The following FAF1 variants were observed in gnomAD, a reference collection of about 807,000 sequenced individuals.
The protein encoded by FAF1 is FAS-associated factor 1.
FAF1 carries 25 observed loss-of-function variants against 92.5 expected under a neutral mutation model. The ratio of observed to expected loss-of-function variants is 0.27; its 90% CI spans 0.20 to 0.38. The LOEUF (loss-of-function observed/expected upper bound fraction) is 0.38. Among genes scored for constraint, FAF1 ranks in the 10% least tolerant of loss-of-function variants. The probability of loss-of-function intolerance (pLI) is 1.00; values close to 1 mark genes in which losing one functional copy is unlikely to be tolerated. For synonymous variants in FAF1, 234 were observed against 273.2 expected (o/e 0.86, Z 1.42); for missense variants, 636 against 793.3 (o/e 0.80, Z 2.38).
chr1:50,837,232 A>G (rs1263529583), intron 2 of FAF1, among the ~76,000 whole-genome samples: 1 of 152,068 alleles, frequency 6.6e-6, no homozygotes, highest in Non-Finnish European at 1.5e-5. Flanking sequence ...CTGGGATTAC[A>G]GGCGTGAGCC....
intron 7 of FAF1, among the ~76,000 whole-genome samples, chr1:50,673,985 C>G (rs1037007254): frequency 6.6e-6 from 1 of 151,264 alleles, no homozygotes; most frequent in Admixed American, 6.6e-5. Flanking sequence ...GAGTCTTGCT[C>G]TGTCACCCAG....
chr1:50,912,036 CAA>C (rs796964084), intron 1 of FAF1, among the ~76,000 whole-genome samples: 6 of 133,710 alleles, frequency 4.5e-5, no homozygotes, highest in Admixed American at 7.5e-5. Flanking sequence ...GACACTATCT[CAA>C]AAAAAAAAAA....
At chr1:50,870,301 C>CA (rs1440835643) in intron 1 of FAF1, among the ~76,000 whole-genome samples, 3 of 152,078 alleles carry the variant, frequency 2.0e-5, no homozygotes, top group Non-Finnish European at 4.4e-5. Context: ...TACTAAAATA[C>CA]AAAAAATTAG....
chr1:50,591,367 C>T lies in FAF1; in HGVS notation c.840+4754G>A, dbSNP rs979127028. ...GTGTATTTGTGGGGAGATATCACTC[C>T]CCACTTAAAAGTCTTTTACTGCTGG... is the stretch of plus-strand genomic sequence containing the variant. On this transcript the variant is annotated intron_variant, in intron 9 of 18. Coordinates refer to ENST00000396153, the MANE Select transcript of FAF1 (RefSeq NM_007051.3). Among the ~76,000 whole-genome samples, 4 of 152,070 alleles carry T rather than the reference C, an allele frequency of 2.6e-5. No homozygotes were observed. The East Asian group carries it at 7.8e-4, about 29-fold the overall frequency.
intron 18 of FAF1, chr1:50,470,870 T>G (rs1646563138): frequency 1.3e-5 from 2 of 152,212 alleles, no homozygotes. Flanking sequence ...TCACTGAACA[T>G]CTCTCTGAGC....
At chr1:50,524,107 ATC>A (rs1425366890) in intron 15 of FAF1, among the ~76,000 whole-genome samples, 1 of 151,556 alleles carries the variant, frequency 6.6e-6, no homozygotes, top group African/African-American at 2.4e-5. Flanking sequence ...GTGAGAAGGT[ATC>A]TCATTGTGGT....
intron 4 of FAF1, among the ~76,000 whole-genome samples, chr1:50,778,838 GACACACACACAC>G (rs139878228): frequency 6.8e-6 from 1 of 147,486 alleles, no homozygotes; most frequent in South Asian, 2.2e-4. Context: ...AAAACACACA[GACACACACACAC>G]ACACACACAC....
chr1:50,494,972 TA>T (rs946091086), intron 15 of FAF1, among the ~76,000 whole-genome samples: 2 of 152,132 alleles, frequency 1.3e-5, no homozygotes, highest in African/African-American at 4.8e-5. Flanking sequence ...TATTTTTAGT[TA>T]AAAAAATTTT....
chr1:50,714,330 G>A (rs910631018), intron 6 of FAF1, among the ~76,000 whole-genome samples: 5 of 147,586 alleles, frequency 3.4e-5, no homozygotes, highest in Admixed American at 6.8e-5. Flanking sequence ...TAGTGAAATC[G>A]TGTCTCTACT....
intron 1 of FAF1, among the ~76,000 whole-genome samples, chr1:50,951,464 C>T (rs1391064139): frequency 6.6e-6 from 1 of 152,150 alleles, no homozygotes; most frequent in Non-Finnish European, 1.5e-5. Context: ...TTTACATGTG[C>T]TATCTTATTT....
intron 15 of FAF1, among the ~76,000 whole-genome samples, chr1:50,524,904 G>C (rs754822346): frequency 1.4e-5 from 2 of 147,040 alleles, no homozygotes; most frequent in Non-Finnish European, 3.0e-5. Flanking sequence ...TTTTTTTTTT[G>C]AGACAGAATC....
intron 8 of FAF1, among the ~76,000 whole-genome samples, chr1:50,632,423 C>T (rs1444881721): frequency 6.6e-6 from 1 of 152,174 alleles, no homozygotes; most frequent in Non-Finnish European, 1.5e-5. Context: ...AACCCTCATT[C>T]ATGTGCAATC....
intron 17 of FAF1, among the ~76,000 whole-genome samples, chr1:50,489,364 C>T (rs1646803534): frequency 6.6e-6 from 1 of 152,186 alleles, no homozygotes; most frequent in African/African-American, 2.4e-5. Flanking sequence ...CCCTTCAGGC[C>T]TTTCCATTGC....
At chr1:50,655,356 A>T in intron 8 of FAF1, 86 bp downstream of exon 8, 1 of 885,636 alleles carries the variant, frequency 1.1e-6, no homozygotes, top group Non-Finnish European at 1.9e-6. Flanking sequence ...CAAAGCATTT[A>T]ATTGTGCTTA....
chr1:50,504,560 G>C (rs1349302191), intron 15 of FAF1, among the ~76,000 whole-genome samples: 1 of 150,634 alleles, frequency 6.6e-6, no homozygotes, highest in Non-Finnish European at 1.5e-5. Context: ...GAATACAGTG[G>C]ATGAACCATA....
intron 7 of FAF1, among the ~76,000 whole-genome samples, chr1:50,656,384 A>C (rs928808958): frequency 3.3e-5 from 5 of 151,968 alleles, no homozygotes; most frequent in African/African-American, 1.2e-4. Context: ...TTTTTTTGAA[A>C]TCAATCCAAA....
chr1:50,767,741 A>T (rs1273914611), intron 4 of FAF1, among the ~76,000 whole-genome samples: 1 of 152,190 alleles, frequency 6.6e-6, no homozygotes, highest in Admixed American at 6.5e-5. Flanking sequence ...TTTTCAGATG[A>T]GCAAATGCTA....
chr1:50,763,925 T>C (rs1660460733), intron 4 of FAF1, among the ~76,000 whole-genome samples: 2 of 152,190 alleles, frequency 1.3e-5, no homozygotes, highest in South Asian at 4.1e-4. Context: ...ATTATCTGAC[T>C]ATTAAAATAT....
chr1:50,733,950 C>T (rs1659035928), intron 6 of FAF1, among the ~76,000 whole-genome samples: 1 of 152,152 alleles, frequency 6.6e-6, no homozygotes, highest in Non-Finnish European at 1.5e-5. Context: ...GCGTGCACCA[C>T]CACACCCAGA....
Sources: gnomAD v4.1 joint callset for allele counts (sites outside exome capture counted in the v4.1 genomes callset) on GRCh38, gnomAD v4.1.1 for gene constraint, MANE v1.5 for transcripts, NCBI Gene and HGNC (gene_info 2026-07-23, HGNC 2026-07-21) for gene names.